Variants in CXCL12 observed in about 807,000 individuals in gnomAD.
CXCL12 encodes the protein C-X-C motif chemokine ligand 12, also known as stromal cell-derived factor 1.
In CXCL12, 4 loss-of-function variants were observed where a neutral mutation model predicts 10.7. The observed-to-expected ratio is 0.37, with a 90% CI of 0.18 to 0.86. The LOEUF is 0.86. Among genes scored for constraint, CXCL12 ranks in the 40% least tolerant of loss-of-function variants. The probability of loss-of-function intolerance (pLI) is 0.43; values close to 1 mark genes in which losing one functional copy is unlikely to be tolerated. For missense variants in CXCL12, 122 were observed against 110.4 expected, an observed-to-expected ratio of 1.10 and a Z score of -0.47; for synonymous variants, 54 against 45.4, an observed-to-expected ratio of 1.19 and a Z score of -0.77.
downstream of CXCL12, chr10:44,374,484 T>C: frequency 2.2e-6 from 1 of 456,034 alleles, no homozygotes; most frequent in South Asian, 1.5e-5. Flanking sequence ...GGCACCCCTG[T>C]ACCCAGGGCT....
At chr10:44,372,913 C>A, downstream of CXCL12, 2 of 1,535,890 alleles carry the variant, frequency 1.3e-6, no homozygotes, top group South Asian at 1.2e-5. Flanking sequence ...GTTGACTGGT[C>A]CTGGCACCCC....
In CXCL12 at chr10:44,378,846, C is replaced by T. The variant is rs1048555708; in HGVS notation, c.180-123G>A. ...CTGGCACCCCGTGCTCCACTTGGTA[C>T]GCTCAGGCTCCAGAGGTGCTCGCGG... On this transcript the variant is annotated intron_variant, in intron 2 of 2. Coordinates refer to ENST00000343575, the MANE Select transcript of CXCL12 (RefSeq NM_199168.4). 29 of 960,868 alleles carry T rather than the reference C, an allele frequency of 3.0e-5. No homozygotes were observed. The East Asian group carries it at 3.2e-4, about 11-fold the overall frequency. The allele number at this position is 960,868 out of a possible 1,614,324, so 59.5% of individuals were successfully genotyped here.
At chr10:44,381,071 G>A (rs954523148) in intron 1 of CXCL12, among the ~76,000 whole-genome samples, 191 bp from the exon 2 acceptor site, 2 of 152,320 alleles carry the variant, frequency 1.3e-5, no homozygotes, top group Non-Finnish European at 2.9e-5. Flanking sequence ...CTGAGCTCAG[G>A]CTCAGCTTCT....
Position 44,377,955 on chromosome 10 carries a change from G to A in CXCL12, c.*678C>T, listed in dbSNP as rs1269451664. ...AGATTAAGCATGCTCTCGGAGTCGG[G>A]GAGAGAGTAGGAATAGCTGGGAGAG... On this transcript the variant is annotated 3_prime_UTR_variant, in exon 3 of 3. Coordinates refer to ENST00000343575, the MANE Select transcript of CXCL12 (RefSeq NM_199168.4). 2.0e-6 allele frequency: 3 copies of A among 1,527,366 alleles called. No individual in the cohort carries two copies. In the South Asian group the frequency reaches 3.6e-5, roughly 18 times the overall value. The allele number at this position is 1,527,366 out of a possible 1,614,324, so 94.6% of individuals were successfully genotyped here. A position where few individuals can be genotyped will look rare whatever the true frequency, so the allele number is the denominator to read the frequency against.
At chr10:44,372,322 C>T (rs1326481897), downstream of CXCL12, 1 of 156,218 alleles carries the variant, frequency 6.4e-6, no homozygotes, top group African/African-American at 2.4e-5. Flanking sequence ...CCCATGGACC[C>T]ACCATGTTTT....
downstream of CXCL12, chr10:44,374,444 C>A (rs1169618803): frequency 2.2e-6 from 1 of 455,994 alleles, no homozygotes; most frequent in Non-Finnish European, 4.4e-6. Flanking sequence ...CAGCTCTGTG[C>A]CTTAAGAGGT....
chr10:44,378,749 T>TGCGGCTGCACAGGAGGAAGGC, intron 2 of CXCL12, 26 bp from the exon 3 acceptor site: 1 of 1,612,792 alleles, frequency 6.2e-7, no homozygotes, highest in Non-Finnish European at 8.5e-7. Flanking sequence ...GGCAACAGTG[T>TGCGGCTGCACAGGAGGAAGGC]GCGGCTGCAC....
chr10:44,383,736 G>C (rs1336175842), intron 1 of CXCL12, among the ~76,000 whole-genome samples: 1 of 150,734 alleles, frequency 6.6e-6, no homozygotes, highest in Non-Finnish European at 1.5e-5. Context: ...AGGCTGCCCA[G>C]CTTCTCCAGC....
downstream of CXCL12, among the ~76,000 whole-genome samples, chr10:44,376,466 T>C: frequency 6.6e-6 from 1 of 152,194 alleles, no homozygotes; most frequent in Non-Finnish European, 1.5e-5. Flanking sequence ...TCAAATTGAA[T>C]AACGTTTTGG....
rs968523263 is a variant in CXCL12, at chr10:44,378,395, G to A, written c.*238C>T. ...AAACCCCAGTAATAAAAGTTCCAAC[G>A]TGCACAGGTACAGGGCATGGATGAA... On this transcript the variant is annotated 3_prime_UTR_variant, in exon 3 of 3. Coordinates refer to ENST00000343575, the MANE Select transcript of CXCL12 (RefSeq NM_199168.4). The A allele has an allele frequency of 1.0e-5, 16 of 1,544,620 alleles. No homozygotes were observed. Among genetic ancestry groups the A allele is most frequent in the African/African-American group, 2.7e-5 (2 of 73,842 alleles).
chr10:44,374,010 G>A (rs76673212), downstream of CXCL12, among the ~76,000 whole-genome samples: 386 of 152,318 alleles, frequency 2.5e-3, 2 homozygotes, highest in African/African-American at 8.0e-3. Flanking sequence ...CTTCAGCACT[G>A]GGTGTACCAC....
rs781284117 is a variant in CXCL12, at chr10:44,384,868, A to C, written c.61+77T>G. 92 of 1,416,166 alleles carry C rather than the reference A, an allele frequency of 6.5e-5. 1 individual carries two copies. The Middle Eastern group carries it at 1.4e-3, about 22-fold the overall frequency. The allele number at this position is 1,416,166 out of a possible 1,614,324, so 87.7% of individuals were successfully genotyped here. ...GGCGGCGCAAACTGCGGGCGCAGGC[A>C]GAGGAGCCGCGGCTCTGCGCCGGGC... On this transcript the variant is annotated intron_variant, in intron 1 of 2. Transcript: ENST00000343575.
chr10:44,378,209 A>T lies in CXCL12; in HGVS notation c.*424T>A. 3 of 1,437,472 alleles carry T rather than the reference A, an allele frequency of 2.1e-6. No homozygotes were observed. The highest frequency in any genetic ancestry group is 2.8e-6 in the Non-Finnish European group (3 of 1,085,746). 89.0% of individuals were successfully genotyped at this position (1,437,472 alleles called of 1,614,324 possible). ...TAAGCCACCACCTGACTGTGCCCAG[A>T]CTCCCCAGGGGAGCAGAGGAGATGC... On this transcript the variant is annotated 3_prime_UTR_variant, in exon 3 of 3. Coordinates refer to ENST00000343575, the MANE Select transcript of CXCL12 (RefSeq NM_199168.4).
At chr10:44,370,520 T>A (rs1470923113) in exon 4 of CXCL12, 2 of 152,228 alleles carry the variant, frequency 1.3e-5, no homozygotes, top group Non-Finnish European at 2.9e-5. Flanking sequence ...TGGGGCTCCT[T>A]CAGAATGAGT....
intron 1 of CXCL12, among the ~76,000 whole-genome samples, chr10:44,381,930 C>T (rs908016022): frequency 4.2e-4 from 63 of 151,674 alleles, no homozygotes; most frequent in African/African-American, 1.5e-3. Context: ...CTCTGTGGTT[C>T]TGAAATTCTG....
downstream of CXCL12, chr10:44,370,931 C>T (rs1297865904): frequency 6.5e-6 from 1 of 154,520 alleles, no homozygotes; most frequent in Admixed American, 6.5e-5. Flanking sequence ...CCTCTGGGTC[C>T]TGATACAGAG....
Position 44,378,354 on chromosome 10 carries a change from A to C in CXCL12, c.*279T>G. 1.3e-6 allele frequency: 2 copies of C among 1,509,660 alleles called. No homozygotes were observed. The highest frequency in any genetic ancestry group is 1.8e-6 in the Non-Finnish European group (2 of 1,124,078). 93.5% of individuals were successfully genotyped at this position (1,509,660 alleles called of 1,614,324 possible). The stretch of plus-strand genomic sequence containing the variant: ...TGCTTGAAAATGCTGTTGATAATAC[A>C]ATTTCTTTCTTAGAAAAACCCCAGT... On this transcript the variant is annotated 3_prime_UTR_variant, in exon 3 of 3. Transcript: ENST00000343575.
chr10:44,371,127 T>G (rs555543638), downstream of CXCL12: 1 of 207,464 alleles, frequency 4.8e-6, no homozygotes, highest in Non-Finnish European at 9.9e-6. Flanking sequence ...AATGGAAGAC[T>G]GTATTTAAAT....
downstream of CXCL12, chr10:44,372,560 G>A (rs192604838): frequency 6.1e-6 from 6 of 979,196 alleles, no homozygotes; most frequent in African/African-American, 9.9e-5. Flanking sequence ...AGTGTTTTCA[G>A]GTAACACAAG....
Sources: allele counts gnomAD v4.1 joint callset (sites outside exome capture counted in the v4.1 genomes callset), GRCh38; gene constraint gnomAD v4.1.1; transcripts MANE v1.5; gene names NCBI Gene and HGNC (gene_info 2026-07-23, HGNC 2026-07-21).